Variants in RANBP2 observed in about 807,000 individuals in gnomAD.
RANBP2 encodes the protein RAN binding protein 2.
RANBP2 carries 57 observed loss-of-function variants against 303.6 expected under a neutral mutation model. The observed-to-expected ratio is 0.19, with a 90% CI of 0.15 to 0.23. RANBP2 has a LOEUF of 0.23. Among genes scored for constraint, RANBP2 ranks in the 10% least tolerant of loss-of-function variants. The probability of loss-of-function intolerance (pLI) is 1.00; values close to 1 mark genes in which losing one functional copy is unlikely to be tolerated. For missense variants in RANBP2, 3,138 were observed against 3,780.8 expected (o/e 0.83, Z 4.46); for synonymous variants, 1,167 against 1,301.5 (o/e 0.90, Z 2.23).
chr2:109,464,020 G>A, the RANBP2 span, among the ~76,000 whole-genome samples: 1 of 152,194 alleles, frequency 6.6e-6, no homozygotes, highest in Non-Finnish European at 1.5e-5. Flanking sequence ...CCAATTCACA[G>A]AACATAGCTC....
intron 25 of RANBP2, among the ~76,000 whole-genome samples, chr2:108,780,072 A>G (rs541050487): frequency 1.3e-5 from 2 of 152,156 alleles, no homozygotes; most frequent in African/African-American, 4.8e-5. Flanking sequence ...GTAGTTTAGT[A>G]TTAGGAAGTT....
the RANBP2 span, among the ~76,000 whole-genome samples, chr2:109,361,504 C>G: frequency 6.6e-6 from 1 of 152,100 alleles, no homozygotes; most frequent in African/African-American, 2.4e-5. Flanking sequence ...AATGGAGTCT[C>G]GCTCTGTCAC....
the RANBP2 span, among the ~76,000 whole-genome samples, chr2:109,201,162 G>A: frequency 4.6e-5 from 7 of 152,292 alleles, no homozygotes; most frequent in African/African-American, 1.7e-4. Flanking sequence ...TCTTCCTTCC[G>A]GCGGCCTCTG....
rs1177783300 is a variant in RANBP2, at chr2:108,763,402, T to A, written c.2863T>A (p.Ser955Thr). Reference sequence around the variant, plus strand: ...TGAGTCTCCTGCAACGGGAATTCTATCGCCCAGGGGTGATGATTACTTTAA... The same window carrying A: ...TGAGTCTCCTGCAACGGGAATTCTAACGCCCAGGGGTGATGATTACTTTAA... Reference protein sequence around the residue: ...RFESPATGILSPRGDDYFNYN... With the variant: ...RFESPATGILTPRGDDYFNYN... Residue 955 changes from serine (S) to threonine (T), a missense_variant, in exon 20 of 29, where the codon TCG (serine) becomes ACG (threonine). Ser to Thr is a moderately conservative substitution (Grantham distance 58, BLOSUM62 1). Around this residue, in one of 20 missense-constraint regions of RANBP2, gnomAD observed 403 missense variants for 376.7 expected, o/e 1.07. Transcript: ENST00000283195. 1.7e-5 allele frequency: 27 copies of A among 1,613,892 alleles called. No individual in the cohort carries two copies. Among genetic ancestry groups the A allele is most frequent in the Non-Finnish European group, 2.3e-5 (27 of 1,179,988 alleles).
the RANBP2 span, among the ~76,000 whole-genome samples, chr2:109,287,886 C>A: frequency 6.6e-6 from 1 of 152,200 alleles, no homozygotes; most frequent in African/African-American, 2.4e-5. Context: ...TTGCTAACTC[C>A]CCTTAGTGAC....
At chr2:108,774,741 T>TA in intron 23 of RANBP2, among the ~76,000 whole-genome samples, 1 of 151,154 alleles carries the variant, frequency 6.6e-6, no homozygotes, top group Non-Finnish European at 1.5e-5. Context: ...AGTCTCGCTC[T>TA]GTCTCCCAGG....
chr2:108,726,368 A>G (rs1694707309), intron 1 of RANBP2, among the ~76,000 whole-genome samples: 1 of 151,596 alleles, frequency 6.6e-6, no homozygotes, highest in African/African-American at 2.4e-5. Flanking sequence ...AAGAGTAGCG[A>G]TGCTGGCAGT....
chr2:109,348,263 C>T, the RANBP2 span, among the ~76,000 whole-genome samples: 2 of 152,218 alleles, frequency 1.3e-5, no homozygotes, highest in Non-Finnish European at 2.9e-5. Context: ...TGAGTCATGG[C>T]TCTAAGCGCT....
chr2:109,517,591 C>A, the RANBP2 span, among the ~76,000 whole-genome samples: 162 of 152,362 alleles, frequency 1.1e-3, 1 homozygote, highest in African/African-American at 3.7e-3. Flanking sequence ...AGGCCCTCCT[C>A]TCATGGCCCC....
chr2:109,579,987 G>A, the RANBP2 span, among the ~76,000 whole-genome samples: 1 of 151,766 alleles, frequency 6.6e-6, no homozygotes, highest in Non-Finnish European at 1.5e-5. Context: ...TGGGCGTGGT[G>A]GCAGGCGCCT....
the RANBP2 span, among the ~76,000 whole-genome samples, chr2:108,899,940 C>T: frequency 2.6e-5 from 4 of 152,084 alleles, no homozygotes; most frequent in African/African-American, 9.6e-5. Context: ...GAGCCGAGAT[C>T]GTGTCACTGC....
chr2:108,910,705 G>A, the RANBP2 span: 1 of 1,560,704 alleles, frequency 6.4e-7, no homozygotes, highest in Non-Finnish European at 8.8e-7. Context: ...CGAGGAGGCT[G>A]CTTCTGGGAA....
At chr2:108,893,650 C>T in the RANBP2 span, among the ~76,000 whole-genome samples, 1 of 151,854 alleles carries the variant, frequency 6.6e-6, no homozygotes, top group African/African-American at 2.4e-5. Flanking sequence ...AAGGGTTCTC[C>T]CTGCATAAAT....
At chr2:108,849,518 C>T in the RANBP2 span, among the ~76,000 whole-genome samples, 2 of 152,242 alleles carry the variant, frequency 1.3e-5, no homozygotes, top group South Asian at 2.1e-4. Flanking sequence ...ATCACCTCTC[C>T]CTAGACCACA....
chr2:109,319,506 G>T, the RANBP2 span, among the ~76,000 whole-genome samples: 1,433 of 152,240 alleles, frequency 9.4e-3, 20 homozygotes, highest in African/African-American at 0.032. Flanking sequence ...GTGGTCAAGA[G>T]AAACACATGT....
the RANBP2 span, among the ~76,000 whole-genome samples, chr2:109,198,730 C>T: frequency 6.6e-6 from 1 of 152,072 alleles, no homozygotes; most frequent in African/African-American, 2.4e-5. Context: ...AAGGTTCCAC[C>T]CTCATGACCT....
the RANBP2 span, among the ~76,000 whole-genome samples, chr2:109,452,192 A>G: frequency 6.6e-6 from 1 of 152,222 alleles, no homozygotes. Context: ...TCCACTGCTC[A>G]GAAGCAAGTG....
chr2:109,515,332 G>C, the RANBP2 span, among the ~76,000 whole-genome samples: 3 of 152,176 alleles, frequency 2.0e-5, no homozygotes, highest in African/African-American at 7.2e-5. Context: ...CTGAGAGAAG[G>C]GGGCCTGCAG....
intron 18 of RANBP2, among the ~76,000 whole-genome samples, chr2:108,759,676 A>ATAAG (rs201237893): frequency 0.024 from 3,660 of 152,290 alleles, 136 homozygotes; most frequent in African/African-American, 0.084. Context: ...TAAGTCATAG[A>ATAAG]TAAGTATATG....
Sources: gnomAD v4.1 joint callset for allele counts (sites outside exome capture counted in the v4.1 genomes callset) on GRCh38, gnomAD v4.1.1 for gene constraint, gnomAD v4.1.1 regional missense constraint, MANE v1.5 for transcripts, NCBI Gene and HGNC (gene_info 2026-07-23, HGNC 2026-07-21) for gene names.